Variants in DMXL1 observed in about 807,000 individuals in gnomAD.
DMXL1 encodes Dmx like 1.
DMXL1 carries 99 observed loss-of-function variants against 319.2 expected under a neutral mutation model. The ratio of observed to expected loss-of-function variants is 0.31; its 90% CI spans 0.26 to 0.37. DMXL1 has a LOEUF of 0.37. DMXL1 is among the 10% of genes least tolerant of loss of function. The pLI is 1.00. For synonymous variants in DMXL1, 1,385 were observed against 1,235.2 expected (o/e 1.12, Z -2.54); for missense variants, 3,745 against 3,595.6 (o/e 1.04, Z -1.06).
chr5:119,186,983 G>A (rs1044885312), intron 28 of DMXL1, among the ~76,000 whole-genome samples: 2 of 151,958 alleles, frequency 1.3e-5, no homozygotes, highest in Non-Finnish European at 1.5e-5. Context: ...TAAATGACGA[G>A]TTAATGGGTG....
At chr5:119,237,606 C>G (rs1047609777) in intron 40 of DMXL1, among the ~76,000 whole-genome samples, 192 bp downstream of exon 40, 1 of 152,018 alleles carries the variant, frequency 6.6e-6, no homozygotes, top group African/African-American at 2.4e-5. Flanking sequence ...TCCTTAGTCT[C>G]TGATAATTTG....
chr5:119,138,993 A>G (rs993259752), intron 13 of DMXL1: 5 of 152,244 alleles, frequency 3.3e-5, no homozygotes, highest in African/African-American at 7.2e-5. Flanking sequence ...CCTATATTCA[A>G]CATCCTTAAA....
At chr5:119,235,641 C>T (rs1157648343) in intron 39 of DMXL1, among the ~76,000 whole-genome samples, 1 of 152,122 alleles carries the variant, frequency 6.6e-6, no homozygotes, top group Non-Finnish European at 1.5e-5. Flanking sequence ...CGTACCTGCA[C>T]ACATCCTGTT....
rs77340515 is a variant in DMXL1, at chr5:119,179,679, G to A, written c.7135+1435G>A. Reference sequence around the variant, plus strand: ...GCATATATTATACTTTTCAAAAGCAGTTTCCACTAACCTGTGGCCCTGCAT... The same window carrying A: ...GCATATATTATACTTTTCAAAAGCAATTTCCACTAACCTGTGGCCCTGCAT... On this transcript the variant is annotated intron_variant, in intron 28 of 43. Transcript: ENST00000539542. Among the ~76,000 whole-genome samples the A allele has an allele frequency of 5.0e-3, 756 of 152,286 alleles. 7 individuals carry two copies. The highest frequency in any genetic ancestry group is 0.017 in the African/African-American group (702 of 41,560).
intron 5 of DMXL1, 86 bp downstream of exon 5, chr5:119,110,369 C>A: frequency 8.2e-7 from 1 of 1,225,264 alleles, no homozygotes; most frequent in East Asian, 2.8e-5. Flanking sequence ...TGTAAAACCA[C>A]ACTGACATAA....
Position 119,178,053 on chromosome 5 carries a change from T to G in DMXL1, c.6944T>G (p.Leu2315Arg). The change falls in exon 28 of 44, where the codon CTT becomes CGT. Residue 2315 changes from leucine to arginine, a missense_variant. Around this residue, in one of 4 missense-constraint regions of DMXL1, gnomAD observed 1,382 missense variants for 1,269.5 expected, o/e 1.09. Coordinates refer to ENST00000539542, the MANE Select transcript of DMXL1 (RefSeq NM_001290321.3). Reference sequence around the variant, plus strand: ...TCTGGCGAGGAAGCCCAGTCAGGGCTTACAGTCTTGCTCTGTGAGATTCTC... The same window carrying G: ...TCTGGCGAGGAAGCCCAGTCAGGGCGTACAGTCTTGCTCTGTGAGATTCTC... ...NSSGEEAQSG[L>R]TVLLCEILTA... 2 of 1,613,516 alleles carry G rather than the reference T, an allele frequency of 1.2e-6. No homozygotes were observed. Among genetic ancestry groups the G allele is most frequent in the South Asian group, 1.1e-5 (1 of 90,978 alleles).
Position 119,240,486 on chromosome 5 carries a change from C to T in DMXL1, c.8704+15C>T. The stretch of plus-strand genomic sequence containing the variant: ...TTTAGTCCATGGTAAGTTTTCAAAG[C>T]ATTTTATAAATTTTGAAAGTCAGGA... On this transcript the variant is annotated intron_variant, in intron 42 of 43. Coordinates refer to ENST00000539542, the MANE Select transcript of DMXL1 (RefSeq NM_001290321.3). The T allele has an allele frequency of 6.3e-7, 1 of 1,574,808 alleles. No individual in the cohort carries two copies.
At position 119,133,539 on chromosome 5, in the gene DMXL1, G is replaced by A; in HGVS notation, c.1615G>A (p.Ala539Thr). 6.2e-7 allele frequency: 1 copy of A among 1,613,162 alleles called. No individual in the cohort carries two copies. The highest frequency in any genetic ancestry group is 8.5e-7 in the Non-Finnish European group (1 of 1,179,820). ...TCCAGTAGCTTTCCCCACAGGTGAT[G>A]CAAACTCTCTCTGTAAAAGCATAAT... ...RIPVAFPTGD[A>T]NSLCKSIMMY... is the part of the protein sequence containing the mutation. The change falls in exon 12 of 44, where the codon GCA becomes ACA. Residue 539 changes from alanine to threonine, a missense_variant. Ala to Thr is a moderately conservative substitution (Grantham distance 58). This residue lies in a region of DMXL1 where 2,096 missense variants were observed against 1,985.4 expected (regional missense o/e 1.06). Transcript: ENST00000539542.
Position 119,237,409 on chromosome 5 carries a change from T to C in DMXL1, c.8554T>C (p.Tyr2852His), listed in dbSNP as rs1787956847. Reference sequence around the variant, plus strand: ...AGTTACTGGAAGCATGCCTAAGCCATACCTGGTAAGCCAAGAATTTCTACC... The same window carrying C: ...AGTTACTGGAAGCATGCCTAAGCCACACCTGGTAAGCCAAGAATTTCTACC... Reference protein sequence around the residue: ...CPVTGSMPKPYLTWQCHNKTA... With the variant: ...CPVTGSMPKPHLTWQCHNKTA... The change falls in exon 40 of 44, where the codon TAC becomes CAC. Residue 2852 changes from tyrosine to histidine, a missense_variant. Tyr to His is a moderately conservative substitution (Grantham distance 83). Coordinates refer to ENST00000539542, the MANE Select transcript of DMXL1 (RefSeq NM_001290321.3). 1 of 1,595,730 alleles carries C rather than the reference T, an allele frequency of 6.3e-7. No individual in the cohort carries two copies. Among genetic ancestry groups the C allele is most frequent in the African/African-American group, 1.3e-5 (1 of 74,726 alleles).
At chr5:119,172,652 A>G (rs951172511) in intron 25 of DMXL1, among the ~76,000 whole-genome samples, 1 of 152,174 alleles carries the variant, frequency 6.6e-6, no homozygotes, top group African/African-American at 2.4e-5. Context: ...TGTTAATGTC[A>G]TATTTTATCT....
chr5:119,125,615 AG>A (rs1193620350), intron 9 of DMXL1, among the ~76,000 whole-genome samples: 2 of 152,102 alleles, frequency 1.3e-5, no homozygotes, highest in East Asian at 3.8e-4. Context: ...CCCAGGCTGA[AG>A]TGCAATGGTG....
chr5:119,147,696 T>G (rs1768886191), intron 17 of DMXL1: 1 of 406,566 alleles, frequency 2.5e-6, no homozygotes, highest in African/African-American at 2.1e-5. Context: ...AAAACAAATT[T>G]TCTTTGTCTT....
intron 1 of DMXL1, among the ~76,000 whole-genome samples, chr5:119,086,487 G>A (rs1753395037): frequency 6.6e-6 from 1 of 152,192 alleles, no homozygotes; most frequent in Admixed American, 6.5e-5. Context: ...CTTCATGTGT[G>A]ATATGGGCTT....
intron 18 of DMXL1, among the ~76,000 whole-genome samples, chr5:119,151,473 T>A (rs1769780453): frequency 6.6e-6 from 1 of 152,192 alleles, no homozygotes; most frequent in African/African-American, 2.4e-5. Flanking sequence ...GATGTGAATA[T>A]GTTATAGGTG....
At chr5:119,232,150 A>G (rs1336680552) in intron 38 of DMXL1, among the ~76,000 whole-genome samples, 1 of 151,942 alleles carries the variant, frequency 6.6e-6, no homozygotes, top group African/African-American at 2.4e-5. Context: ...CCAGCTCTTA[A>G]TTTTTTAACG....
chr5:119,089,620 T>TA (rs915419249), intron 1 of DMXL1, among the ~76,000 whole-genome samples: 1 of 125,544 alleles, frequency 8.0e-6, no homozygotes, highest in Non-Finnish European at 1.6e-5. Flanking sequence ...TCATTTTTGG[T>TA]ACTGCCTTTT....
At chr5:119,117,232 G>A (rs954927713) in intron 7 of DMXL1, among the ~76,000 whole-genome samples, 1 of 152,072 alleles carries the variant, frequency 6.6e-6, no homozygotes, top group African/African-American at 2.4e-5. Flanking sequence ...GTAGAGATGG[G>A]GTTTTGCCAT....
intron 13 of DMXL1, among the ~76,000 whole-genome samples, chr5:119,137,483 A>G (rs1766281650): frequency 6.6e-6 from 1 of 152,066 alleles, no homozygotes. Context: ...GGGATTTGGG[A>G]GGGGCTTGGG....
At chr5:119,229,594 CA>C (rs1786279470) in intron 38 of DMXL1, among the ~76,000 whole-genome samples, 2 of 152,162 alleles carry the variant, frequency 1.3e-5, no homozygotes, top group Non-Finnish European at 2.9e-5. Flanking sequence ...TGCTTTAGGA[CA>C]AAAATTATTC....
Sources: gnomAD v4.1 joint callset for allele counts (sites outside exome capture counted in the v4.1 genomes callset) on GRCh38, gnomAD v4.1.1 for gene constraint, gnomAD v4.1.1 regional missense constraint, MANE v1.5 for transcripts, NCBI Gene and HGNC (gene_info 2026-07-23, HGNC 2026-07-21) for gene names.